The following TRHDE variants were observed in gnomAD, a reference collection of about 807,000 sequenced individuals.
TRHDE encodes the protein thyrotropin releasing hormone degrading enzyme.
TRHDE carries 72 observed loss-of-function variants against 125.7 expected under a neutral mutation model. The observed-to-expected ratio is 0.57, with a 90% confidence interval of 0.47 to 0.70. The LOEUF (loss-of-function observed/expected upper bound fraction) is 0.70. Among genes scored for constraint, TRHDE ranks in the 30% least tolerant of loss-of-function variants. The pLI, the probability that TRHDE is intolerant of heterozygous loss-of-function variation, is 0.00. For synonymous variants in TRHDE, 509 were observed against 509.1 expected, an observed-to-expected ratio of 1.00 and a Z score of 0.00; for missense variants, 1,110 against 1,327.1, an observed-to-expected ratio of 0.84 and a Z score of 2.54.
At position 72,206,755 on chromosome 12, in the gene TRHDE, A is replaced by T. The variant is rs577903317; in HGVS notation, n.279+101003A>T. On this transcript the variant is annotated intron_variant and non_coding_transcript_variant, in intron 2 of 4. Coordinates refer to the TRHDE transcript ENST00000548156. ...AAATTTTAAAAAAGAAAATTAATAC[A>T]TAATTATATTGCTTTGTGTGTAATA... 5.3e-5 allele frequency among the ~76,000 whole-genome samples: 8 copies of T among 152,214 alleles called. No individual in the cohort carries two copies. In the East Asian group the frequency reaches 1.5e-3, roughly 29 times the overall value.
At chr12:72,478,433 T>C (rs1592475598) in intron 5 of TRHDE, among the ~76,000 whole-genome samples, 1 of 152,324 alleles carries the variant, frequency 6.6e-6, no homozygotes, top group East Asian at 1.9e-4. Context: ...TCAACAGAAG[T>C]TGAGAAAATC....
At chr12:72,588,631 T>G (rs1189112259) in intron 12 of TRHDE, among the ~76,000 whole-genome samples, 1 of 152,148 alleles carries the variant, frequency 6.6e-6, no homozygotes, top group African/African-American at 2.4e-5. Flanking sequence ...GTCTGCTCTG[T>G]TAAGAATATA....
intron 6 of TRHDE, among the ~76,000 whole-genome samples, chr12:72,515,471 T>A (rs1211750902): frequency 1.3e-5 from 2 of 152,142 alleles, no homozygotes; most frequent in Non-Finnish European, 2.9e-5. Context: ...CTTTGCTCAC[T>A]TTTTGATGGG....
intron 2 of TRHDE, among the ~76,000 whole-genome samples, chr12:72,160,271 G>T (rs912695333): frequency 6.6e-5 from 10 of 152,092 alleles, no homozygotes; most frequent in Non-Finnish European, 1.0e-4. Context: ...CTCAAAGTGT[G>T]GTCCACAAAA....
chr12:72,237,870 T>A (rs927873900), intron 2 of TRHDE, among the ~76,000 whole-genome samples: 4 of 152,104 alleles, frequency 2.6e-5, no homozygotes, highest in African/African-American at 7.2e-5. Flanking sequence ...ATGTGGGATC[T>A]GGAAAAGAGC....
At chr12:72,283,127 A>G (rs1879755976) in intron 1 of TRHDE, among the ~76,000 whole-genome samples, 1 of 152,126 alleles carries the variant, frequency 6.6e-6, no homozygotes, top group Non-Finnish European at 1.5e-5. Flanking sequence ...TAGCATAGAA[A>G]CTCTTTGCAG....
At chr12:72,561,323 A>G (rs984123781) in intron 7 of TRHDE, among the ~76,000 whole-genome samples, 10 of 134,456 alleles carry the variant, frequency 7.4e-5, no homozygotes, top group African/African-American at 3.5e-4. Context: ...GATTTTGTCT[A>G]CTATATATAT....
intron 2 of TRHDE, among the ~76,000 whole-genome samples, chr12:72,369,722 G>A (rs977801629): frequency 4.2e-4 from 64 of 152,198 alleles, no homozygotes; most frequent in African/African-American, 1.5e-3. Context: ...CCATTTCCTA[G>A]TGTAATGTCC....
chr12:72,165,441 C>T (rs1334549594), intron 2 of TRHDE, among the ~76,000 whole-genome samples: 1 of 151,996 alleles, frequency 6.6e-6, no homozygotes, highest in Admixed American at 6.6e-5. Flanking sequence ...CCCTGGGGAC[C>T]AAACTGCCAC....
chr12:72,579,583 G>A (rs910608309), intron 12 of TRHDE, among the ~76,000 whole-genome samples: 16 of 152,052 alleles, frequency 1.1e-4, no homozygotes, highest in African/African-American at 3.9e-4. Context: ...TTTAAGCTTT[G>A]TGGTGGTTAT....
Position 72,340,027 on chromosome 12 carries a change from G to GT in TRHDE, c.1189-37966dup, listed in dbSNP as rs548326942. Among the ~76,000 whole-genome samples, 270 of 152,342 alleles carry GT rather than the reference G, an allele frequency of 1.8e-3. 2 individuals carry two copies. The highest frequency in any genetic ancestry group is 6.3e-3 in the African/African-American group (260 of 41,584). On this transcript the variant is annotated intron_variant, in intron 2 of 18. Transcript: ENST00000261180. ...TCCCTTAGGATTGGCCGAGGCTTCA[G>GT]TTGCAACTGCATTGCAGGTCAGCTT...
intron 2 of TRHDE, among the ~76,000 whole-genome samples, chr12:72,212,205 G>A (rs1877796560): frequency 6.6e-6 from 1 of 151,914 alleles, no homozygotes; most frequent in South Asian, 2.1e-4. Context: ...TAGAATTAAT[G>A]TATTGGCTTA....
At chr12:72,614,229 C>CTAAT (rs1269468774) in intron 12 of TRHDE, among the ~76,000 whole-genome samples, 1 of 151,558 alleles carries the variant, frequency 6.6e-6, no homozygotes, top group African/African-American at 2.4e-5. Context: ...TACTATATCA[C>CTAAT]TAATTTTATG....
chr12:72,232,279 GA>G (rs1878262043), intron 2 of TRHDE, among the ~76,000 whole-genome samples: 1 of 152,166 alleles, frequency 6.6e-6, no homozygotes, highest in Non-Finnish European at 1.5e-5. Flanking sequence ...GCAGTCTTCG[GA>G]TTGGACAGTT....
At chr12:72,480,718 A>G (rs1877129318) in intron 5 of TRHDE, among the ~76,000 whole-genome samples, 1 of 152,150 alleles carries the variant, frequency 6.6e-6, no homozygotes, top group East Asian at 1.9e-4. Context: ...ATCTAGAAAT[A>G]CCGAGGGGAA....
At chr12:72,641,647 T>G (rs1874066513) in intron 15 of TRHDE, among the ~76,000 whole-genome samples, 1 of 152,208 alleles carries the variant, frequency 6.6e-6, no homozygotes, top group Non-Finnish European at 1.5e-5. Context: ...CTTAAACCAG[T>G]GCCTTATTGT....
intron 2 of TRHDE, among the ~76,000 whole-genome samples, chr12:72,198,263 T>G (rs1330102912): frequency 6.6e-6 from 1 of 152,164 alleles, no homozygotes; most frequent in Non-Finnish European, 1.5e-5. Flanking sequence ...GATACTCTTA[T>G]GAACAATTAT....
intron 12 of TRHDE, among the ~76,000 whole-genome samples, chr12:72,582,864 A>G (rs2136038305): frequency 6.6e-6 from 1 of 152,246 alleles, no homozygotes; most frequent in African/African-American, 2.4e-5. Flanking sequence ...ATAACTGTTG[A>G]TTTTATGAAG....
At chr12:72,616,603 A>G (rs549716148) in intron 12 of TRHDE, among the ~76,000 whole-genome samples, 2 of 152,228 alleles carry the variant, frequency 1.3e-5, no homozygotes, top group East Asian at 3.9e-4. Context: ...TCATTAAATA[A>G]TGTCTATCCA....
Sources: gnomAD v4.1 joint callset for allele counts (sites outside exome capture counted in the v4.1 genomes callset) on GRCh38, gnomAD v4.1.1 for gene constraint, MANE v1.5 for transcripts, NCBI Gene and HGNC (gene_info 2026-07-23, HGNC 2026-07-21) for gene names.